Variants in FAM227B observed in about 807,000 individuals in gnomAD.
FAM227B encodes the protein family with sequence similarity 227 member B, also known as protein FAM227B.
FAM227B carries 88 observed loss-of-function variants against 73.8 expected under a neutral mutation model. That is an observed-to-expected ratio of 1.19 (90% CI 1.00 to 1.42). The LOEUF is 1.42. Among genes scored for constraint, FAM227B ranks in the 40% most tolerant of loss-of-function variants. FAM227B has a pLI of 0.00. For synonymous variants in FAM227B, 210 were observed against 190.5 expected (o/e 1.10, Z -0.84); for missense variants, 632 against 590.9 (o/e 1.07, Z -0.72).
At chr15:49,377,627 C>CAT (rs1370802156) in intron 11 of FAM227B, among the ~76,000 whole-genome samples, 1 of 152,110 alleles carries the variant, frequency 6.6e-6, no homozygotes. Context: ...AGCACTTTTT[C>CAT]ATATGCCTGT....
rs541081759 is a variant in FAM227B, at chr15:49,437,979, A to G, written c.1013-66580T>C. ...AGAGCAGGTGGGAGTGAATCAGGCT[A>G]GAGAAGAGGGTAGGAAATGGGGAAG... On this transcript the variant is annotated intron_variant, in intron 11 of 15. Coordinates refer to ENST00000299338, the MANE Select transcript of FAM227B (RefSeq NM_152647.3). 2.0e-5 allele frequency among the ~76,000 whole-genome samples: 3 copies of G among 151,812 alleles called. No homozygotes were observed. In the East Asian group the frequency reaches 5.9e-4, roughly 30 times the overall value.
At chr15:49,609,154 T>C (rs1223867988) in intron 3 of FAM227B, among the ~76,000 whole-genome samples, 1 of 151,158 alleles carries the variant, frequency 6.6e-6, no homozygotes, top group Non-Finnish European at 1.5e-5. Context: ...ACAACAATAG[T>C]GGAAAAAGAA....
At chr15:49,388,443 T>C (rs988398610) in intron 11 of FAM227B, among the ~76,000 whole-genome samples, 1 of 151,934 alleles carries the variant, frequency 6.6e-6, no homozygotes, top group Non-Finnish European at 1.5e-5. Flanking sequence ...CATTGAAGAA[T>C]GAAACTGGAT....
chr15:49,499,451 T>G (rs1401839561), intron 11 of FAM227B, among the ~76,000 whole-genome samples: 3 of 152,142 alleles, frequency 2.0e-5, no homozygotes, highest in Non-Finnish European at 4.4e-5. Context: ...ACTGACAAAC[T>G]CACTTTGTTA....
chr15:49,333,504 G>A (rs1043105831), intron 14 of FAM227B, among the ~76,000 whole-genome samples: 1 of 152,148 alleles, frequency 6.6e-6, no homozygotes, highest in African/African-American at 2.4e-5. Flanking sequence ...TTGATTTTTG[G>A]AAACTTGTAA....
chr15:49,402,797 C>G (rs2048261937), intron 11 of FAM227B, among the ~76,000 whole-genome samples: 1 of 152,148 alleles, frequency 6.6e-6, no homozygotes. Context: ...ATTGCCCTGG[C>G]CAGAGCTTCC....
intron 11 of FAM227B, among the ~76,000 whole-genome samples, chr15:49,494,531 T>C (rs1050684658): frequency 1.3e-5 from 2 of 152,180 alleles, no homozygotes; most frequent in Non-Finnish European, 2.9e-5. Flanking sequence ...AATGAAAACT[T>C]AGCTGTCCTC....
At chr15:49,334,285 G>A in intron 14 of FAM227B, 1 of 972,332 alleles carries the variant, frequency 1.0e-6, no homozygotes, top group Non-Finnish European at 1.2e-6. Flanking sequence ...TTAATTCTGA[G>A]CTTTTCCCTA....
chr15:49,328,576 C>T lies in FAM227B; in HGVS notation c.1519G>A (p.Glu507Lys), dbSNP rs367997810. 4.4e-6 allele frequency: 7 copies of T among 1,602,580 alleles called. No homozygotes were observed. The highest frequency in any genetic ancestry group is 1.7e-4 in the Middle Eastern group (1 of 6,040). ...TTCATTTCTGGTTTCTCTTAGTATT[C>T]TTCTTCCTCAAAGTTGTAGTTGTCT... Reference protein sequence around the residue: ...STDNYNFEEEEY With the variant: ...STDNYNFEEEKY The change falls in exon 16 of 16, where the codon GAA (glutamate) becomes AAA (lysine). Residue 507 changes from glutamate to lysine, a missense_variant. Physicochemically the swap from Glu to Lys is moderately conservative, Grantham distance 56 (BLOSUM62 1). Transcript: ENST00000299338.
intron 11 of FAM227B, among the ~76,000 whole-genome samples, chr15:49,416,128 C>T (rs1455330185): frequency 6.8e-6 from 1 of 146,600 alleles, no homozygotes; most frequent in Non-Finnish European, 1.5e-5. Flanking sequence ...TCTTGGAACA[C>T]ACCAAGATCC....
At chr15:49,553,113 G>A (rs994135583) in intron 9 of FAM227B, among the ~76,000 whole-genome samples, 1 of 152,160 alleles carries the variant, frequency 6.6e-6, no homozygotes, top group Non-Finnish European at 1.5e-5. Flanking sequence ...ACTTGGGAAG[G>A]TTTTCCAGAT....
At chr15:49,479,243 TTC>T (rs59700895) in intron 11 of FAM227B, among the ~76,000 whole-genome samples, 1 of 151,628 alleles carries the variant, frequency 6.6e-6, no homozygotes, top group Non-Finnish European at 1.5e-5. Flanking sequence ...CATGAGCTGA[TTC>T]TCTCTCTCTT....
chr15:49,613,516 A>T (rs960323981), intron 2 of FAM227B, among the ~76,000 whole-genome samples: 11 of 152,216 alleles, frequency 7.2e-5, no homozygotes, highest in African/African-American at 2.7e-4. Context: ...CAAACGGACA[A>T]ATAAAAACAG....
intron 9 of FAM227B, among the ~76,000 whole-genome samples, chr15:49,564,554 C>G (rs903106594): frequency 1.3e-5 from 2 of 152,180 alleles, no homozygotes. Context: ...TTCATCACAG[C>G]ACTGTTCACA....
At chr15:49,525,231 G>T (rs904816846) in intron 10 of FAM227B, among the ~76,000 whole-genome samples, 10 of 152,006 alleles carry the variant, frequency 6.6e-5, no homozygotes, top group Non-Finnish European at 1.5e-4. Context: ...ATGGGGGCAG[G>T]TTTTTCCCTG....
At chr15:49,596,731 C>T (rs2076907662) in intron 3 of FAM227B, among the ~76,000 whole-genome samples, 2 of 151,854 alleles carry the variant, frequency 1.3e-5, no homozygotes, top group African/African-American at 4.8e-5. Context: ...AAGAGACTCA[C>T]CTAACACATA....
chr15:49,617,230 A>T (rs2078346402), intron 1 of FAM227B, among the ~76,000 whole-genome samples: 1 of 149,788 alleles, frequency 6.7e-6, no homozygotes, highest in South Asian at 2.1e-4. Flanking sequence ...AAATATTTTT[A>T]AAAAATGGAA....
At chr15:49,354,796 C>CA (rs1478464741) in intron 13 of FAM227B, among the ~76,000 whole-genome samples, 1 of 151,896 alleles carries the variant, frequency 6.6e-6, no homozygotes, top group Admixed American at 6.6e-5. Context: ...AGGGCACAGA[C>CA]AAACAAAAAG....
intron 11 of FAM227B, among the ~76,000 whole-genome samples, chr15:49,386,000 A>C (rs2046862606): frequency 6.6e-6 from 1 of 151,918 alleles, no homozygotes; most frequent in African/African-American, 2.4e-5. Flanking sequence ...ACATTTATAA[A>C]ACAATCACTA....
Sources: allele counts gnomAD v4.1 joint callset (sites outside exome capture counted in the v4.1 genomes callset), GRCh38; gene constraint gnomAD v4.1.1; transcripts MANE v1.5; gene names NCBI Gene and HGNC (gene_info 2026-07-23, HGNC 2026-07-21).